Variants in NTNG1 observed in about 807,000 individuals in gnomAD.
NTNG1 encodes netrin-G1.
In NTNG1, 16 loss-of-function variants were observed where a neutral mutation model predicts 54.0. The observed-to-expected ratio is 0.30, with a 90% CI of 0.20 to 0.45. The LOEUF is 0.45. NTNG1 is among the 20% of genes least tolerant of loss of function. The pLI is 1.00. For missense variants in NTNG1, 530 were observed against 678.7 expected, an observed-to-expected ratio of 0.78 and a Z score of 2.43; for synonymous variants, 255 against 263.1, an observed-to-expected ratio of 0.97 and a Z score of 0.30.
intron 3 of NTNG1, among the ~76,000 whole-genome samples, chr1:107,364,917 A>G (rs188489552): frequency 3.9e-4 from 59 of 152,348 alleles, no homozygotes; most frequent in African/African-American, 1.2e-3. Flanking sequence ...TATGTAAAAA[A>G]GTACTTCCCA....
At chr1:107,190,672 C>T (rs138580010) in intron 2 of NTNG1, among the ~76,000 whole-genome samples, 3,577 of 152,088 alleles carry the variant, frequency 0.024, 134 homozygotes, top group African/African-American at 0.081. Flanking sequence ...TGAGAACATG[C>T]GGTGTTTGGC....
Position 107,324,703 on chromosome 1 carries a change from T to C in NTNG1, c.668T>C (p.Phe223Ser). Residue 223 changes from phenylalanine to serine, a missense_variant, in exon 3 of 8, where the codon TTT becomes TCT. Phe to Ser is a radical substitution (Grantham distance 155). Coordinates refer to ENST00000370068, the MANE Select transcript of NTNG1 (RefSeq NM_001113226.3). ...ACAACAAATAGCAAAATAATCCACT[T>C]TGAAATCAAAGACAGGTTCGCGTTT... ...GYTTNSKIIHFEIKDRFAFFA... is the reference protein window; with the variant it reads ...GYTTNSKIIHSEIKDRFAFFA... 6.2e-7 allele frequency: 1 copy of C among 1,613,544 alleles called. No homozygotes were observed. The highest frequency in any genetic ancestry group is 8.5e-7 in the Non-Finnish European group (1 of 1,179,778).
intron 3 of NTNG1, chr1:107,334,138 G>A (rs989947402): frequency 6.6e-6 from 1 of 151,944 alleles, no homozygotes; most frequent in Non-Finnish European, 1.5e-5. Context: ...AGATTAACCA[G>A]TATTTAATAT....
chr1:107,366,023 T>G (rs1480888674), intron 3 of NTNG1, among the ~76,000 whole-genome samples: 2 of 152,208 alleles, frequency 1.3e-5, no homozygotes, highest in African/African-American at 2.4e-5. Flanking sequence ...ATAAAGATTC[T>G]GCTACCCATG....
Position 107,392,417 on chromosome 1 carries a change from G to A in NTNG1, c.888-2737G>A, listed in dbSNP as rs148996751. On this transcript the variant is annotated intron_variant, in intron 3 of 7. Transcript: ENST00000370068. ...GGGACAACTAGATAAGAGTGCGCAA[G>A]GAGAGTGAGCTGGCTGTGCTAGGCC... Among the ~76,000 whole-genome samples, 564 of 152,162 alleles carry A rather than the reference G, an allele frequency of 3.7e-3. 2 individuals carry two copies. The highest frequency in any genetic ancestry group is 8.7e-3 in the South Asian group (42 of 4,812).
At chr1:107,282,019 T>C (rs2101730525) in intron 2 of NTNG1, among the ~76,000 whole-genome samples, 1 of 152,266 alleles carries the variant, frequency 6.6e-6, no homozygotes, top group East Asian at 1.9e-4. Context: ...TTGAATAAAG[T>C]GCTAGTTGAG....
intron 5 of NTNG1, 101 bp downstream of exon 5, chr1:107,407,809 A>C (rs1673536132): frequency 1.0e-6 from 1 of 996,412 alleles, no homozygotes; most frequent in African/African-American, 1.6e-5. Flanking sequence ...TCCATTTCTG[A>C]TGTAATAGGG....
intron 2 of NTNG1, among the ~76,000 whole-genome samples, chr1:107,257,260 C>T (rs1662992663): frequency 6.6e-6 from 1 of 152,142 alleles, no homozygotes; most frequent in African/African-American, 2.4e-5. Context: ...AGGAGGTCCT[C>T]GTGGAAACAT....
At chr1:107,359,124 C>A (rs1670114107) in intron 3 of NTNG1, among the ~76,000 whole-genome samples, 1 of 152,156 alleles carries the variant, frequency 6.6e-6, no homozygotes, top group African/African-American at 2.4e-5. Flanking sequence ...GATTTGGACA[C>A]ACAAACTGAG....
At chr1:107,450,584 A>G (rs1188479295) in intron 7 of NTNG1, among the ~76,000 whole-genome samples, 1 of 151,946 alleles carries the variant, frequency 6.6e-6, no homozygotes, top group Non-Finnish European at 1.5e-5. Context: ...CCTTCCCGGA[A>G]AAAAAAAGAA....
rs190414597 is a variant in NTNG1, at chr1:107,307,753, T to C, written c.247-16529T>C. ...CTAACAAGGCTTATTTTTAACTTATTTCTAACTTCCTCCTATTTTTACTGG... is the reference window on the plus strand; with the variant it reads ...CTAACAAGGCTTATTTTTAACTTATCTCTAACTTCCTCCTATTTTTACTGG... On this transcript the variant is annotated intron_variant, in intron 2 of 7. Coordinates refer to ENST00000370068, the MANE Select transcript of NTNG1 (RefSeq NM_001113226.3). Among the ~76,000 whole-genome samples, 198 of 152,324 alleles carry C rather than the reference T, an allele frequency of 1.3e-3. 1 individual carries two copies. The highest frequency in any genetic ancestry group is 4.6e-3 in the African/African-American group (193 of 41,588).
rs376416367 is a variant in NTNG1 at position 107,401,706 on chromosome 1, T to A, written c.1061-5976T>A. ...TTTCATAGTTTTTTTTTTTTTTAAT[T>A]TGAGGGCTGAATAATAAAGTTCAGG... On this transcript the variant is annotated intron_variant, in intron 4 of 7. Coordinates refer to ENST00000370068, the MANE Select transcript of NTNG1 (RefSeq NM_001113226.3). Among the ~76,000 whole-genome samples, 365 of 151,850 alleles carry A rather than the reference T, an allele frequency of 2.4e-3. 1 individual carries two copies. Among genetic ancestry groups the A allele is most frequent in the African/African-American group, 8.4e-3 (347 of 41,452 alleles).
chr1:107,251,275 A>G (rs1013426639), intron 2 of NTNG1, among the ~76,000 whole-genome samples: 1 of 152,248 alleles, frequency 6.6e-6, no homozygotes, highest in Non-Finnish European at 1.5e-5. Flanking sequence ...TCTTTCCTTG[A>G]TGAGTAAATG....
At chr1:107,336,625 G>C (rs1264743439) in intron 3 of NTNG1, among the ~76,000 whole-genome samples, 1 of 151,928 alleles carries the variant, frequency 6.6e-6, no homozygotes, top group Non-Finnish European at 1.5e-5. Context: ...TGGGTAAGTT[G>C]AACGTCATCA....
rs1341673700 is a variant in NTNG1, at chr1:107,391,762, G to A, written c.888-3392G>A. Among the ~76,000 whole-genome samples the A allele has an allele frequency of 3.3e-5, 5 of 152,052 alleles. No individual in the cohort carries two copies. The South Asian group carries it at 6.2e-4, about 19-fold the overall frequency. ...CAGATCTTGCAAAAACTCATGGAGG[G>A]AGAACTCAGTCATTACCACAATGAG... On this transcript the variant is annotated intron_variant, in intron 3 of 7. Transcript: ENST00000370068.
intron 2 of NTNG1, among the ~76,000 whole-genome samples, chr1:107,206,380 T>C (rs1659193640): frequency 6.6e-6 from 1 of 152,168 alleles, no homozygotes; most frequent in South Asian, 2.1e-4. Flanking sequence ...TTATTTTCCC[T>C]ATGGGTAATA....
intron 2 of NTNG1, among the ~76,000 whole-genome samples, chr1:107,252,045 C>T (rs898182026): frequency 2.6e-5 from 4 of 152,186 alleles, no homozygotes; most frequent in Admixed American, 2.6e-4. Flanking sequence ...CAATTTCTTT[C>T]TGCCTAAGTT....
chr1:107,303,004 C>A (rs1279357592), intron 2 of NTNG1, among the ~76,000 whole-genome samples: 3 of 152,146 alleles, frequency 2.0e-5, no homozygotes, highest in Non-Finnish European at 4.4e-5. Flanking sequence ...CCTTCCTACC[C>A]TGTAGGTTCA....
At chr1:107,391,136 G>A (rs993055166) in intron 3 of NTNG1, among the ~76,000 whole-genome samples, 1 of 152,188 alleles carries the variant, frequency 6.6e-6, no homozygotes, top group Non-Finnish European at 1.5e-5. Context: ...AAGAGTACCT[G>A]AAGGCAAAGC....
Sources: allele counts gnomAD v4.1 joint callset (sites outside exome capture counted in the v4.1 genomes callset), GRCh38; gene constraint gnomAD v4.1.1; transcripts MANE v1.5; gene names NCBI Gene and HGNC (gene_info 2026-07-23, HGNC 2026-07-21).